COL18A1: variants seen among roughly 807,000 people sequenced by gnomAD.
The protein encoded by COL18A1 is collagen type XVIII alpha 1 chain, also known as collagen alpha-1(XVIII) chain.
COL18A1 carries 133 observed loss-of-function variants against 168.0 expected under a neutral mutation model. That is an observed-to-expected ratio of 0.79 (90% CI 0.69 to 0.91). The LOEUF (loss-of-function observed/expected upper bound fraction) is 0.91. Ranked by LOEUF, COL18A1 falls within the 40% of genes least tolerant of loss-of-function variation. COL18A1 has a pLI of 0.00. For missense variants in COL18A1, 2,126 were observed against 1,925.4 expected (o/e 1.10, Z -1.95); for synonymous variants, 949 against 809.0 (o/e 1.17, Z -2.94).
In COL18A1 at chr21:45,477,843, G is replaced by C; in HGVS notation, c.1099G>C (p.Gly367Arg). ...PGSPCLPGPP[G>R]LPCPVSPLGP... The stretch of plus-strand genomic sequence containing the variant: ...ATCCCCATGCCTACCTGGTCCCCCG[G>C]GTCTCCCGTGCCCAGTGAGTCCCCT... Residue 367 changes from glycine to arginine, a missense_variant, in exon 8 of 42, where the codon GGT becomes CGT. Coordinates refer to ENST00000651438, the MANE Select transcript of COL18A1 (RefSeq NM_001379500.1). The C allele has an allele frequency of 6.4e-7, 1 of 1,553,352 alleles. No individual in the cohort carries two copies. Among genetic ancestry groups the C allele is most frequent in the Non-Finnish European group, 8.7e-7 (1 of 1,148,312 alleles).
chr21:45,503,991 C>T lies in COL18A1; in HGVS notation c.2684-20C>T, dbSNP rs374334469. On this transcript the variant is annotated intron_variant, in intron 32 of 41. Transcript: ENST00000651438. ...GTCAGACACCACCTCAGCGAGACCC[C>T]GCCTGTCTCTCTCTTGCAGGGCAGT... 2.3e-5 allele frequency: 37 copies of T among 1,613,266 alleles called. No individual in the cohort carries two copies. Among genetic ancestry groups the T allele is most frequent in the Middle Eastern group, 1.6e-4 (1 of 6,082 alleles).
chr21:45,452,061 C>T (rs1445553112), intron 2 of COL18A1, among the ~76,000 whole-genome samples: 2 of 152,248 alleles, frequency 1.3e-5, no homozygotes, highest in South Asian at 2.1e-4. Flanking sequence ...GCTCCTTGTG[C>T]CTCAGCTTCT....
chr21:45,493,851 G>A (rs1280613417), intron 26 of COL18A1: 17 of 502,400 alleles, frequency 3.4e-5, no homozygotes, highest in Non-Finnish European at 5.4e-5. Context: ...CTCTGAGCTC[G>A]CGCCTCCCTG....
intron 31 of COL18A1, 95 bp from the exon 32 acceptor site, chr21:45,497,504 G>T: frequency 6.7e-7 from 1 of 1,483,808 alleles, no homozygotes; most frequent in Non-Finnish European, 9.2e-7. Flanking sequence ...CCCCATCCAG[G>T]CCCCCAGGCA....
rs571918079 is a variant in COL18A1 at position 45,473,744 on chromosome 21, C to T, written c.652-151C>T. On this transcript the variant is annotated intron_variant, in intron 3 of 41. Transcript: ENST00000651438. This position sits in a 1 kb window ranked among gnomAD's most constrained non-coding sequence, Gnocchi z 4.0. ...CCACTTCTTCCTACCATGAGGCATACCGCACCCCCAGGGAGGCTGCCCGAG... is the reference window on the plus strand; with the variant it reads ...CCACTTCTTCCTACCATGAGGCATATCGCACCCCCAGGGAGGCTGCCCGAG... The T allele has an allele frequency of 8.5e-6, 6 of 707,358 alleles. No individual in the cohort carries two copies. Among genetic ancestry groups the T allele is most frequent in the Middle Eastern group, 3.7e-4 (1 of 2,684 alleles). The allele number at this position is 707,358 out of a possible 1,614,324, so 43.8% of individuals were successfully genotyped here.
chr21:45,488,482 G>A, intron 18 of COL18A1, 38 bp downstream of exon 18: 2 of 1,613,594 alleles, frequency 1.2e-6, no homozygotes, highest in Non-Finnish European at 1.7e-6. Context: ...GTGGTTGCTG[G>A]CTTGGCCCTG....
At chr21:45,467,409 G>A (rs1281539451) in intron 2 of COL18A1, 16 of 983,564 alleles carry the variant, frequency 1.6e-5, no homozygotes, top group African/African-American at 8.7e-5. Context: ...GGGAGACTGT[G>A]GCACGTTGGC....
chr21:45,470,887 G>C (rs1362348383), intron 3 of COL18A1, among the ~76,000 whole-genome samples: 1 of 151,548 alleles, frequency 6.6e-6, no homozygotes, highest in Non-Finnish European at 1.5e-5. Flanking sequence ...TGGAACAGGA[G>C]GGAGCTAGAG....
chr21:45,460,499 C>T (rs920453682), intron 2 of COL18A1, among the ~76,000 whole-genome samples: 3 of 152,216 alleles, frequency 2.0e-5, no homozygotes, highest in Non-Finnish European at 2.9e-5. Flanking sequence ...CACGGGAGTG[C>T]ACGTGAAGGT....
At chr21:45,479,816 C>G (rs2035829670) in intron 9 of COL18A1, 86 bp from the exon 10 acceptor site, 2 of 1,582,818 alleles carry the variant, frequency 1.3e-6, no homozygotes, top group South Asian at 2.3e-5. Flanking sequence ...CCGTCCGTCC[C>G]CTGCTTGGGG....
chr21:45,477,620 C>A, intron 7 of COL18A1, 130 bp from the exon 8 acceptor site: 1 of 1,248,892 alleles, frequency 8.0e-7, no homozygotes, highest in Non-Finnish European at 1.1e-6. Context: ...TCGGTGCCAG[C>A]ATGCGTCCAC....
intron 32 of COL18A1, among the ~76,000 whole-genome samples, chr21:45,503,449 C>T (rs753297710): frequency 5.0e-4 from 76 of 152,020 alleles, no homozygotes; most frequent in Non-Finnish European, 7.5e-4. Flanking sequence ...TGGAATACTA[C>T]GCAGCCATAA....
At chr21:45,410,276 C>G (rs1315622092) in intron 2 of COL18A1, among the ~76,000 whole-genome samples, 3 of 152,124 alleles carry the variant, frequency 2.0e-5, no homozygotes, top group Non-Finnish European at 4.4e-5. Flanking sequence ...GTGGGCCCCT[C>G]GTTCCCACAG....
At chr21:45,435,818 C>G (rs1020800635) in intron 2 of COL18A1, among the ~76,000 whole-genome samples, 1 of 152,180 alleles carries the variant, frequency 6.6e-6, no homozygotes, top group Non-Finnish European at 1.5e-5. Context: ...CGGAGGGTGT[C>G]GGCCTCCTCT....
intron 39 of COL18A1, 88 bp from the exon 40 acceptor site, chr21:45,509,976 A>C (rs1237579103): frequency 2.1e-6 from 3 of 1,442,896 alleles, no homozygotes; most frequent in Non-Finnish European, 2.8e-6. Context: ...GCCTGTCCAC[A>C]CAGGTGCGGG....
Position 45,423,033 on chromosome 21 carries a change from C to G in COL18A1, c.106+17560C>G, listed in dbSNP as rs1466554401. Among the ~76,000 whole-genome samples, 2 of 152,120 alleles carry G rather than the reference C, an allele frequency of 1.3e-5. No homozygotes were observed. The highest frequency in any genetic ancestry group is 2.4e-5 in the African/African-American group (1 of 41,404). ...TTCTCCATGTTGGTCAGGCTGGTCT[C>G]TAACTCCCGACCTCAGGTGATCTGC... is the stretch of plus-strand genomic sequence containing the variant. On this transcript the variant is annotated intron_variant, in intron 2 of 41. Coordinates refer to ENST00000651438, the MANE Select transcript of COL18A1 (RefSeq NM_001379500.1). The surrounding 1 kb of genome is among the most constrained non-coding windows in gnomAD (Gnocchi z 4.0).
At chr21:45,486,185 A>G (rs991676219) in intron 15 of COL18A1, among the ~76,000 whole-genome samples, 1 of 152,060 alleles carries the variant, frequency 6.6e-6, no homozygotes, top group Non-Finnish European at 1.5e-5. Flanking sequence ...AGTCACCGCA[A>G]TGCCTGTGTC....
intron 13 of COL18A1, 58 bp from the exon 14 acceptor site, chr21:45,481,905 A>G: frequency 8.0e-7 from 1 of 1,256,396 alleles, no homozygotes. Context: ...CTGTTAACCC[A>G]GAAATCGTTT....
intron 2 of COL18A1, chr21:45,422,646 G>T: frequency 2.7e-6 from 1 of 364,698 alleles, no homozygotes; most frequent in African/African-American, 2.1e-5. Flanking sequence ...GAAAAACGGG[G>T]CCTCCGCCCA....
Sources: gnomAD v4.1 joint callset for allele counts (sites outside exome capture counted in the v4.1 genomes callset) on GRCh38, gnomAD v4.1.1 for gene constraint, Gnocchi (gnomAD v3.1) non-coding constraint, MANE v1.5 for transcripts, NCBI Gene and HGNC (gene_info 2026-07-23, HGNC 2026-07-21) for gene names.